Variants in HYDIN observed in about 807,000 individuals in gnomAD.
HYDIN encodes HYDIN axonemal central pair apparatus protein.
A neutral mutation model predicts 403.9 loss-of-function variants in HYDIN; 132 were observed. The ratio of observed to expected loss-of-function variants is 0.33; its 90% CI spans 0.28 to 0.38. The LOEUF (loss-of-function observed/expected upper bound fraction) is 0.38, where lower values mean the gene tolerates loss of function less well. HYDIN is among the 10% of genes least tolerant of loss of function. HYDIN has a pLI of 1.00. For missense variants in HYDIN, 2,827 were observed against 5,009.5 expected (o/e 0.56, Z 13.15); for synonymous variants, 1,202 against 1,891.7 (o/e 0.64, Z 9.46).
At chr16:71,156,961 G>T (rs1341330279) in intron 6 of HYDIN, among the ~76,000 whole-genome samples, 2 of 150,506 alleles carry the variant, frequency 1.3e-5, no homozygotes, top group Non-Finnish European at 3.0e-5. Context: ...AAATTATTAT[G>T]CTTATTTTAT....
chr16:70,922,908 C>G (rs1024752269), intron 45 of HYDIN, among the ~76,000 whole-genome samples: 6 of 147,628 alleles, frequency 4.1e-5, no homozygotes, highest in African/African-American at 1.5e-4. Flanking sequence ...CTTGGGACTA[C>G]AGGCATGTGC....
chr16:70,928,151 T>C (rs2077209151), intron 45 of HYDIN, among the ~76,000 whole-genome samples: 1 of 152,050 alleles, frequency 6.6e-6, no homozygotes, highest in Admixed American at 6.6e-5. Flanking sequence ...GTTTGTGCAT[T>C]AAAAAATATA....
chr16:70,979,761 G>C (rs1353545808), intron 29 of HYDIN, among the ~76,000 whole-genome samples: 1 of 152,026 alleles, frequency 6.6e-6, no homozygotes, highest in Admixed American at 6.6e-5. Context: ...ACAAAACCCC[G>C]TCTCTACAAA....
intron 6 of HYDIN, among the ~76,000 whole-genome samples, chr16:71,153,265 G>C (rs142290018): frequency 2.0e-5 from 3 of 152,260 alleles, no homozygotes; most frequent in African/African-American, 7.2e-5. Flanking sequence ...CATCATAGTG[G>C]AAAAATATAT....
chr16:71,070,127 C>T (rs961248021), intron 13 of HYDIN, among the ~76,000 whole-genome samples: 1 of 152,162 alleles, frequency 6.6e-6, no homozygotes, highest in African/African-American at 2.4e-5. Context: ...GCTTTTACCT[C>T]TCTTAGACAA....
chr16:71,019,563 T>C (rs2080396976), intron 22 of HYDIN, among the ~76,000 whole-genome samples: 1 of 152,248 alleles, frequency 6.6e-6, no homozygotes, highest in Non-Finnish European at 1.5e-5. Context: ...ATGGCATCTG[T>C]AGCACTCGGT....
At chr16:71,177,265 C>G (rs2086706904) in intron 4 of HYDIN, among the ~76,000 whole-genome samples, 1 of 152,172 alleles carries the variant, frequency 6.6e-6, no homozygotes, top group Admixed American at 6.5e-5. Flanking sequence ...ATGCTTTGGA[C>G]TGTACCACTT....
At chr16:71,212,723 C>T (rs1475735234) in intron 1 of HYDIN, among the ~76,000 whole-genome samples, 1 of 150,644 alleles carries the variant, frequency 6.6e-6, no homozygotes, top group Non-Finnish European at 1.5e-5. Context: ...TCTGATATCA[C>T]TGAAGGCTTG....
chr16:70,837,187 T>C (rs783905), intron 77 of HYDIN, among the ~76,000 whole-genome samples: 2 of 152,062 alleles, frequency 1.3e-5, no homozygotes, highest in African/African-American at 4.8e-5. Context: ...GTAAAAGAAA[T>C]GCCTTGAACC....
intron 45 of HYDIN, among the ~76,000 whole-genome samples, chr16:70,927,625 A>C (rs1026163685): frequency 6.6e-6 from 1 of 152,236 alleles, no homozygotes; most frequent in Admixed American, 6.5e-5. Context: ...TGCCTCTTCA[A>C]TAAAGCTGTT....
At chr16:71,148,510 T>C (rs2085407866) in intron 7 of HYDIN, among the ~76,000 whole-genome samples, 1 of 152,158 alleles carries the variant, frequency 6.6e-6, no homozygotes, top group Non-Finnish European at 1.5e-5. Flanking sequence ...GAAGTAAATT[T>C]AGCAAAGTCT....
chr16:71,069,313 G>A lies in HYDIN; in HGVS notation c.1928C>T (p.Ser643Phe), dbSNP rs768355494. Reference protein sequence around the residue: ...SSMKPKEFTISPDCGTIRPQG... With the variant: ...SSMKPKEFTIFPDCGTIRPQG... ...GGGGCGAATGGTGCCACAGTCAGGA[G>A]AGATGGTGAATTCTTTTGGTTTCAT... The change falls in exon 14 of 86, where the codon TCT becomes TTT. Residue 643 changes from serine to phenylalanine, a missense_variant. Ser to Phe is a radical substitution (Grantham distance 155, BLOSUM62 -2). Transcript: ENST00000393567. The A allele has an allele frequency of 6.8e-6, 11 of 1,613,720 alleles. No individual in the cohort carries two copies. The East Asian group carries it at 8.9e-5, about 13-fold the overall frequency.
Position 70,920,693 on chromosome 16 carries a change from C to G in HYDIN, c.7683G>C (p.Glu2561Asp). ...CTAGGAAGGGTACGCCCAGGTCCTTCTCCTTCTTCCCTTCGTGGTCCTCCT... is the reference window on the plus strand; with the variant it reads ...CTAGGAAGGGTACGCCCAGGTCCTTGTCCTTCTTCCCTTCGTGGTCCTCCT... ...EGEEDHEGKK[E>D]KDLGVPFLDI... Residue 2561 changes from glutamate (E) to aspartate (D), a missense_variant, in exon 46 of 86, where the codon GAG (glutamate) becomes GAC (aspartate). By Grantham distance (45) the Glu-to-Asp change is conservative. Coordinates refer to ENST00000393567, the MANE Select transcript of HYDIN (RefSeq NM_001270974.2). The G allele has an allele frequency of 3.7e-6, 6 of 1,605,760 alleles. No individual in the cohort carries two copies. Among genetic ancestry groups the G allele is most frequent in the Non-Finnish European group, 4.2e-6 (5 of 1,178,162 alleles).
chr16:71,199,396 A>T (rs1038339768), intron 1 of HYDIN, among the ~76,000 whole-genome samples: 1 of 152,152 alleles, frequency 6.6e-6, no homozygotes, highest in Admixed American at 6.5e-5. Context: ...GGCTCCCTCT[A>T]TCCTTGGCAG....
At chr16:71,189,647 G>C (rs1055606483) in intron 1 of HYDIN, among the ~76,000 whole-genome samples, 1 of 151,574 alleles carries the variant, frequency 6.6e-6, no homozygotes, top group East Asian at 1.9e-4. Flanking sequence ...CGTGCCTGTA[G>C]TCCCAATTAC....
At chr16:71,224,053 T>C (rs114809340) in intron 1 of HYDIN, among the ~76,000 whole-genome samples, 13,970 of 152,292 alleles carry the variant, frequency 0.092, 820 homozygotes, top group South Asian at 0.14. Context: ...TAAGTGCCCA[T>C]TGATCAACAA....
At chr16:71,229,843 G>A (rs904189168) in intron 1 of HYDIN, among the ~76,000 whole-genome samples, 9 of 152,180 alleles carry the variant, frequency 5.9e-5, no homozygotes, top group African/African-American at 1.9e-4. Context: ...GTTTGGCTGT[G>A]TCCCCACCCA....
At chr16:71,045,437 G>A (rs2081421161) in intron 18 of HYDIN, among the ~76,000 whole-genome samples, 1 of 152,178 alleles carries the variant, frequency 6.6e-6, no homozygotes, top group Non-Finnish European at 1.5e-5. Flanking sequence ...AAAGTAGTCT[G>A]TAAAAATTAT....
chr16:70,908,913 A>G (rs1798482), intron 47 of HYDIN, 52 bp from the exon 48 acceptor site: 7 of 1,601,058 alleles, frequency 4.4e-6, no homozygotes, highest in Non-Finnish European at 6.0e-6. Context: ...TGTACACACA[A>G]ACAGAAGACA....
Sources: allele counts gnomAD v4.1 joint callset (sites outside exome capture counted in the v4.1 genomes callset), GRCh38; gene constraint gnomAD v4.1.1; transcripts MANE v1.5; gene names NCBI Gene and HGNC (gene_info 2026-07-23, HGNC 2026-07-21).